The following ZNF462 variants were observed in gnomAD, a reference collection of about 807,000 sequenced individuals.
The protein encoded by ZNF462 is zinc finger protein 462.
Under a neutral mutation model 201.9 loss-of-function variants are expected in ZNF462, and 10 were observed. The ratio of observed to expected loss-of-function variants is 0.05; its 90% CI spans 0.03 to 0.08. The LOEUF (loss-of-function observed/expected upper bound fraction) is 0.08, where lower values mean the gene tolerates loss of function less well. ZNF462 is among the 10% of genes least tolerant of loss of function. ZNF462 has a pLI of 1.00. For synonymous variants in ZNF462, 1,227 were observed against 1,193.3 expected (o/e 1.03, Z -0.58); for missense variants, 2,523 against 3,168.3 (o/e 0.80, Z 4.89).
upstream of ZNF462, chr9:106,863,109 A>G (rs1827129164): frequency 2.5e-6 from 1 of 393,574 alleles, no homozygotes; most frequent in Non-Finnish European, 4.5e-6. Flanking sequence ...AGAGGGAGGG[A>G]GGGAGAGAGA....
chr9:106,931,720 T>C (rs2131543638), intron 4 of ZNF462, among the ~76,000 whole-genome samples: 1 of 152,326 alleles, frequency 6.6e-6, no homozygotes, highest in East Asian at 1.9e-4. Flanking sequence ...AAAACTAGGC[T>C]GCTCCTTAAT....
At chr9:106,999,876 T>C (rs1328488001) in intron 10 of ZNF462, among the ~76,000 whole-genome samples, 2 of 151,978 alleles carry the variant, frequency 1.3e-5, no homozygotes, top group East Asian at 3.9e-4. Context: ...TGCTGGCCAG[T>C]GGGGGTTCAG....
chr9:106,942,621 T>C (rs1327554028), intron 7 of ZNF462, among the ~76,000 whole-genome samples: 1 of 152,246 alleles, frequency 6.6e-6, no homozygotes, highest in Non-Finnish European at 1.5e-5. Flanking sequence ...TTGTGTTTAC[T>C]GTGTTCCTTC....
At position 106,902,774 on chromosome 9, in the gene ZNF462, C is replaced by T. The variant is rs1294736795; in HGVS notation, c.-30-20580C>T. 1.3e-5 allele frequency among the ~76,000 whole-genome samples: 2 copies of T among 152,000 alleles called. No individual in the cohort carries two copies. Among genetic ancestry groups the T allele is most frequent in the African/African-American group, 4.8e-5 (2 of 41,390 alleles). ...TCTGTGGTATCAGATGTAATATCAC[C>T]TGTTTTGTTTCTTAGTGAGGTTATT... is the stretch of plus-strand genomic sequence containing the variant. On this transcript the variant is annotated intron_variant, in intron 1 of 12. Coordinates refer to ENST00000277225, the MANE Select transcript of ZNF462 (RefSeq NM_021224.6). The surrounding 1 kb of genome is among the most constrained non-coding windows in gnomAD (Gnocchi z 4.2).
intron 1 of ZNF462, among the ~76,000 whole-genome samples, chr9:106,863,976 C>T (rs2130742390): frequency 6.8e-6 from 1 of 146,294 alleles, no homozygotes; most frequent in East Asian, 2.1e-4. Context: ...CTTCTGTCTG[C>T]CTGTCCCCCG....
rs1294704889 is a variant in ZNF462, at chr9:106,962,675, T to G, written c.6428-9330T>G. 6.6e-6 allele frequency among the ~76,000 whole-genome samples: 1 copy of G among 152,048 alleles called. No individual in the cohort carries two copies. The highest frequency in any genetic ancestry group is 2.4e-5 in the African/African-American group (1 of 41,426). ...TTCTCAATCTATTCCCTGATCATAT[T>G]TCAAGGTTTTGTTTTTACTCATCAG... On this transcript the variant is annotated intron_variant, in intron 7 of 12. Transcript: ENST00000277225. The surrounding 1 kb of genome is among the most constrained non-coding windows in gnomAD (Gnocchi z 4.6).
chr9:106,976,694 TAAC>T (rs1564146071), intron 9 of ZNF462: 1 of 152,160 alleles, frequency 6.6e-6, no homozygotes, highest in Non-Finnish European at 1.5e-5. Flanking sequence ...ATAGTAATAA[TAAC>T]AACATTAACA....
chr9:106,932,205 A>C lies in ZNF462; in HGVS notation c.6013-241A>C. The stretch of plus-strand genomic sequence containing the variant: ...TAGGGAGAAAAAGAAAGCTGGAGGC[A>C]ATGATGATGGATATTTATTTTGTTG... On this transcript the variant is annotated intron_variant, in intron 4 of 12. Transcript: ENST00000277225. The surrounding 1 kb of genome is among the most constrained non-coding windows in gnomAD (Gnocchi z 6.8). The C allele has an allele frequency of 6.5e-7, 1 of 1,541,460 alleles. No individual in the cohort carries two copies. The highest frequency in any genetic ancestry group is 8.7e-7 in the Non-Finnish European group (1 of 1,144,710).
In ZNF462 at chr9:106,935,452, A is replaced by C. The variant is rs763253284; in HGVS notation, c.6117-51A>C. ...AAAAAAAGCAATGAGCAAATCCTCT[A>C]TGCAATTTTTAATTTTGTCATTTTT... On this transcript the variant is annotated intron_variant, in intron 5 of 12. Coordinates refer to ENST00000277225, the MANE Select transcript of ZNF462 (RefSeq NM_021224.6). This position sits in a 1 kb window ranked among gnomAD's most constrained non-coding sequence, Gnocchi z 4.1. 6.5e-7 allele frequency: 1 copy of C among 1,531,204 alleles called. No individual in the cohort carries two copies. The highest frequency in any genetic ancestry group is 2.3e-5 in the East Asian group (1 of 44,438). 94.9% of individuals were successfully genotyped at this position (1,531,204 alleles called of 1,614,324 possible).
chr9:106,924,283 T>C lies in ZNF462; in HGVS notation c.371T>C (p.Ile124Thr), dbSNP rs780032837. 6.2e-7 allele frequency: 1 copy of C among 1,614,102 alleles called. No homozygotes were observed. Among genetic ancestry groups the C allele is most frequent in the Non-Finnish European group, 8.5e-7 (1 of 1,180,008 alleles). The change falls in exon 3 of 13, where the codon ATA becomes ACA. Residue 124 changes from isoleucine (I) to threonine (T), a missense_variant. By Grantham distance (89) the Ile-to-Thr change is moderately conservative. This residue lies in a region of ZNF462 where 480 missense variants were observed against 544.4 expected (regional missense o/e 0.88). Transcript: ENST00000277225. This position sits in a 1 kb window ranked among gnomAD's most constrained non-coding sequence, Gnocchi z 6.2. Reference protein sequence around the residue: ...VRYFRSKNLLIEHTRKVHGAQ... With the variant: ...VRYFRSKNLLTEHTRKVHGAQ... The stretch of plus-strand genomic sequence containing the variant: ...TACTTCAGGTCAAAAAACCTCCTCA[T>C]AGAACACACTAGAAAGGTCCATGGA...
intron 7 of ZNF462, among the ~76,000 whole-genome samples, chr9:106,952,452 T>A (rs1201559610): frequency 6.6e-6 from 1 of 152,162 alleles, no homozygotes; most frequent in Non-Finnish European, 1.5e-5. Flanking sequence ...AAGGAAAAAA[T>A]TTCACATCTA....
At chr9:106,997,150 T>C (rs1396214779) in intron 10 of ZNF462, among the ~76,000 whole-genome samples, 2 of 152,050 alleles carry the variant, frequency 1.3e-5, no homozygotes, top group African/African-American at 4.8e-5. Context: ...ATAAATGAAA[T>C]TGTACATATG....
Position 106,953,759 on chromosome 9 carries a change from C to G in ZNF462, c.6427+14652C>G, listed in dbSNP as rs140607477. 1.5e-4 allele frequency among the ~76,000 whole-genome samples: 23 copies of G among 152,258 alleles called. No homozygotes were observed. In the East Asian group the frequency reaches 3.5e-3, roughly 23 times the overall value. On this transcript the variant is annotated intron_variant, in intron 7 of 12. Coordinates refer to ENST00000277225, the MANE Select transcript of ZNF462 (RefSeq NM_021224.6). ...TGAGACCCTCTGTTCTAACTGCTCC[C>G]TACCTTCTCCACCTGCGGGTCTCAT...
At chr9:106,914,100 G>C (rs992329847) in intron 1 of ZNF462, among the ~76,000 whole-genome samples, 4 of 148,104 alleles carry the variant, frequency 2.7e-5, no homozygotes, top group African/African-American at 9.9e-5. Context: ...AACTCATCAT[G>C]ATATCATATA....
chr9:106,971,374 A>AC (rs1826599513), intron 7 of ZNF462, among the ~76,000 whole-genome samples: 3 of 146,040 alleles, frequency 2.1e-5, no homozygotes, highest in Non-Finnish European at 3.0e-5. Context: ...TTTAAAAAAA[A>AC]AAACAACAAC....
At chr9:106,965,025 T>G (rs1216739080) in intron 7 of ZNF462, among the ~76,000 whole-genome samples, 5 of 152,046 alleles carry the variant, frequency 3.3e-5, no homozygotes, top group Admixed American at 3.3e-4. Context: ...AAATGTAATA[T>G]GAGGTATAAT....
At chr9:106,944,186 T>C (rs1201480987) in intron 7 of ZNF462, among the ~76,000 whole-genome samples, 2 of 152,150 alleles carry the variant, frequency 1.3e-5, no homozygotes, top group African/African-American at 4.8e-5. Flanking sequence ...TTATTGATCT[T>C]AGAGTGGGCT....
chr9:106,912,574 G>T (rs940061915), intron 1 of ZNF462, among the ~76,000 whole-genome samples: 1 of 152,178 alleles, frequency 6.6e-6, no homozygotes, highest in East Asian at 1.9e-4. Flanking sequence ...CGTATGGAAT[G>T]TCTTTACTTG....
In ZNF462 at chr9:106,929,862, A is replaced by G; in HGVS notation, c.5847+103A>G. On this transcript the variant is annotated intron_variant, in intron 3 of 12. Transcript: ENST00000277225. The surrounding 1 kb of genome is among the most constrained non-coding windows in gnomAD (Gnocchi z 8.7). ...CCAAACTGCTGCAGGCTTCCTAGTGACTTAGCTTGCCAGAGAGCTCAATAA... is the reference window on the plus strand; with the variant it reads ...CCAAACTGCTGCAGGCTTCCTAGTGGCTTAGCTTGCCAGAGAGCTCAATAA... The G allele has an allele frequency of 9.3e-7, 1 of 1,071,308 alleles. No homozygotes were observed. Among genetic ancestry groups the G allele is most frequent in the Non-Finnish European group, 1.3e-6 (1 of 741,426 alleles). 66.4% of individuals were successfully genotyped at this position (1,071,308 alleles called of 1,614,324 possible). A position where few individuals can be genotyped will look rare whatever the true frequency, so the allele number is the denominator to read the frequency against.
Sources: allele counts gnomAD v4.1 joint callset (sites outside exome capture counted in the v4.1 genomes callset), GRCh38; gene constraint gnomAD v4.1.1; regional missense constraint gnomAD v4.1.1; non-coding constraint Gnocchi (gnomAD v3.1); transcripts MANE v1.5; gene names NCBI Gene and HGNC (gene_info 2026-07-23, HGNC 2026-07-21).